MXI1: variants seen among roughly 807,000 people sequenced by gnomAD.
MXI1 encodes max-interacting protein 1.
In MXI1, 18 loss-of-function variants were observed where a neutral mutation model predicts 36.9. That is an observed-to-expected ratio of 0.49 (90% CI 0.34 to 0.72). The LOEUF is 0.72. Ranked by LOEUF, MXI1 falls within the 30% of genes least tolerant of loss-of-function variation. The probability of loss-of-function intolerance (pLI) is 0.01; values close to 1 mark genes in which losing one functional copy is unlikely to be tolerated. For synonymous variants in MXI1, 160 were observed against 146.7 expected (o/e 1.09, Z -0.65); for missense variants, 304 against 379.1 (o/e 0.80, Z 1.64).
chr10:110,283,037 T>C (rs1276978153), intron 5 of MXI1, among the ~76,000 whole-genome samples: 2 of 152,140 alleles, frequency 1.3e-5, no homozygotes, highest in Non-Finnish European at 2.9e-5. Context: ...GCCTTGTTAT[T>C]ATCTTCTAGT....
chr10:110,215,754 G>A (rs1475813470), intron 1 of MXI1, among the ~76,000 whole-genome samples: 3 of 152,226 alleles, frequency 2.0e-5, no homozygotes, highest in Non-Finnish European at 4.4e-5. Flanking sequence ...GGAGGAGGGA[G>A]GAGCTAGAAG....
intron 1 of MXI1, among the ~76,000 whole-genome samples, chr10:110,214,844 T>G (rs1436148821): frequency 8.0e-5 from 4 of 50,270 alleles, no homozygotes; most frequent in African/African-American, 7.1e-4. Flanking sequence ...GGCTTTTGAG[T>G]TTTTTTTTTT....
intron 2 of MXI1, among the ~76,000 whole-genome samples, chr10:110,237,451 C>T (rs1327332001): frequency 6.6e-6 from 1 of 152,102 alleles, no homozygotes; most frequent in Non-Finnish European, 1.5e-5. Context: ...GTGATACTGT[C>T]ATTTTCTTTT....
chr10:110,276,456 C>T (rs1857031985), intron 3 of MXI1, among the ~76,000 whole-genome samples: 1 of 152,174 alleles, frequency 6.6e-6, no homozygotes, highest in Non-Finnish European at 1.5e-5. Context: ...AGTCAGATTT[C>T]AACCTCTTTT....
intron 1 of MXI1, among the ~76,000 whole-genome samples, chr10:110,217,516 T>A (rs1854683325): frequency 6.6e-6 from 1 of 152,164 alleles, no homozygotes; most frequent in Non-Finnish European, 1.5e-5. Context: ...CCCTGTGTTA[T>A]CTTCCTCTTA....
chr10:110,224,968 G>A (rs1052706720), intron 1 of MXI1, among the ~76,000 whole-genome samples: 8 of 152,120 alleles, frequency 5.3e-5, no homozygotes, highest in Non-Finnish European at 1.2e-4. Flanking sequence ...TTTTAATGTG[G>A]TCTCCGCTCT....
intron 1 of MXI1, among the ~76,000 whole-genome samples, chr10:110,218,793 C>A (rs991038795): frequency 1.3e-5 from 2 of 152,152 alleles, no homozygotes; most frequent in Admixed American, 1.3e-4. Context: ...TGGAGGCGCC[C>A]GAGCTTGTAG....
chr10:110,217,249 C>CA (rs1455272079), intron 1 of MXI1, among the ~76,000 whole-genome samples: 2 of 152,176 alleles, frequency 1.3e-5, no homozygotes, highest in African/African-American at 2.4e-5. Context: ...GAAAGATAAA[C>CA]ACACTGTCCG....
chr10:110,234,961 A>G (rs1855404734), intron 2 of MXI1, among the ~76,000 whole-genome samples: 1 of 152,210 alleles, frequency 6.6e-6, no homozygotes, highest in Admixed American at 6.5e-5. Context: ...TTAACATTTT[A>G]TAAAGGTAAT....
At position 110,208,740 on chromosome 10, in the gene MXI1, G is replaced by GCCCCCCCCCCCCC. The variant is rs34161324; in HGVS notation, c.274+659_274+671dup. 4.2e-5 allele frequency: 4 copies of GCCCCCCCCCCCCC among 95,772 alleles called. 1 individual carries two copies. The highest frequency in any genetic ancestry group is 1.5e-4 in the African/African-American group (3 of 19,922). 5.9% of individuals were successfully genotyped at this position (95,772 alleles called of 1,614,324 possible). A position where few individuals can be genotyped will look rare whatever the true frequency, so the allele number is the denominator to read the frequency against. The stretch of plus-strand genomic sequence containing the variant: ...TCCGTTGCCGTGGGGTGCCACCGCC[G>GCCCCCCCCCCCCC]CCCCCCCCCCCCCAAAGAAGGAGGC... On this transcript the variant is annotated intron_variant, in intron 1 of 5. Coordinates refer to ENST00000332674, the MANE Select transcript of MXI1 (RefSeq NM_130439.3).
chr10:110,272,298 A>C (rs1404912972), intron 3 of MXI1, among the ~76,000 whole-genome samples: 1 of 152,202 alleles, frequency 6.6e-6, no homozygotes, highest in East Asian at 1.9e-4. Flanking sequence ...AAAAATGAGA[A>C]ATCCAAAACA....
At chr10:110,260,636 T>G (rs1243232025) in intron 3 of MXI1, among the ~76,000 whole-genome samples, 1 of 152,038 alleles carries the variant, frequency 6.6e-6, no homozygotes, top group Non-Finnish European at 1.5e-5. Flanking sequence ...GGTTTTAATT[T>G]ATAATGAAGA....
At chr10:110,261,898 A>G (rs1226973288) in intron 3 of MXI1, among the ~76,000 whole-genome samples, 1 of 152,168 alleles carries the variant, frequency 6.6e-6, no homozygotes, top group Non-Finnish European at 1.5e-5. Context: ...TAGAAGTAAC[A>G]TGAATTTCTG....
chr10:110,232,866 G>C (rs12416343), intron 2 of MXI1, among the ~76,000 whole-genome samples: 13,436 of 152,186 alleles, frequency 0.088, 1,105 homozygotes, highest in East Asian at 0.29. Context: ...TCTCTAAACT[G>C]TCAATTCTTT....
intron 2 of MXI1, among the ~76,000 whole-genome samples, chr10:110,231,238 G>A (rs1159979278): frequency 6.6e-6 from 1 of 152,064 alleles, no homozygotes; most frequent in Admixed American, 6.6e-5. Flanking sequence ...GTGGTAGTGT[G>A]TGCCTGTAAT....
chr10:110,278,215 C>T (rs1043712724), intron 3 of MXI1, among the ~76,000 whole-genome samples: 2 of 152,178 alleles, frequency 1.3e-5, no homozygotes, highest in Admixed American at 1.3e-4. Flanking sequence ...AGAACTCTCT[C>T]ATCACCATGA....
chr10:110,219,781 C>T lies in MXI1; in HGVS notation c.275-8408C>T, dbSNP rs1854750023. Reference sequence around the variant, plus strand: ...GTTTTGTTCATTATTTTATCTTTGGCATCTAGCTTAGTGCCTGGCACATAA... The same window carrying T: ...GTTTTGTTCATTATTTTATCTTTGGTATCTAGCTTAGTGCCTGGCACATAA... On this transcript the variant is annotated intron_variant, in intron 1 of 5. Transcript: ENST00000332674. 2.0e-5 allele frequency among the ~76,000 whole-genome samples: 3 copies of T among 152,348 alleles called. No homozygotes were observed. In the South Asian group the frequency reaches 6.2e-4, roughly 32 times the overall value.
intron 3 of MXI1, among the ~76,000 whole-genome samples, chr10:110,273,174 A>C (rs1281550873): frequency 2.0e-5 from 3 of 151,496 alleles, no homozygotes; most frequent in Non-Finnish European, 4.4e-5. Flanking sequence ...CGGCCTCCCA[A>C]GTAGCTGGGA....
At chr10:110,245,976 AAG>A (rs1182020367) in intron 3 of MXI1, among the ~76,000 whole-genome samples, 2 of 152,164 alleles carry the variant, frequency 1.3e-5, no homozygotes. Context: ...ACAAATTTGG[AAG>A]AGAACATAAG....
Sources: gnomAD v4.1 joint callset for allele counts (sites outside exome capture counted in the v4.1 genomes callset) on GRCh38, gnomAD v4.1.1 for gene constraint, MANE v1.5 for transcripts, NCBI Gene and HGNC (gene_info 2026-07-23, HGNC 2026-07-21) for gene names.